Variants in WT1 observed in about 807,000 individuals in gnomAD.
The protein encoded by WT1 is WT1 transcription factor.
A neutral mutation model predicts 60.8 loss-of-function variants in WT1; 8 were observed. That is an observed-to-expected ratio of 0.13 (90% CI 0.08 to 0.24). The LOEUF (loss-of-function observed/expected upper bound fraction) is 0.24. Among genes scored for constraint, WT1 ranks in the 10% least tolerant of loss-of-function variants. The pLI is 1.00. For synonymous variants in WT1, 312 were observed against 297.1 expected, an observed-to-expected ratio of 1.05 and a Z score of -0.52; for missense variants, 568 against 711.8, an observed-to-expected ratio of 0.80 and a Z score of 2.30.
intron 5 of WT1, among the ~76,000 whole-genome samples, chr11:32,403,440 T>A (rs146095723): frequency 6.6e-6 from 1 of 152,210 alleles, no homozygotes; most frequent in Non-Finnish European, 1.5e-5. Flanking sequence ...TTCCAGCTTA[T>A]GCCCAACAGT....
At chr11:32,410,287 T>C (rs550557637) in intron 5 of WT1, among the ~76,000 whole-genome samples, 87 of 152,298 alleles carry the variant, frequency 5.7e-4, no homozygotes, top group African/African-American at 2.0e-3. Context: ...GATACTTCTA[T>C]CTAAAGATAA....
chr11:32,415,595 C>T (rs761536428), intron 5 of WT1, among the ~76,000 whole-genome samples: 24 of 152,136 alleles, frequency 1.6e-4, no homozygotes, highest in Non-Finnish European at 3.1e-4. Flanking sequence ...TTGCGGTGAG[C>T]GAGATGGCAC....
At chr11:32,391,891 T>C in intron 9 of WT1, 81 bp downstream of exon 9, 1 of 1,446,282 alleles carries the variant, frequency 6.9e-7, no homozygotes, top group Non-Finnish European at 9.7e-7. Flanking sequence ...ACTAGTCTTT[T>C]CCAATCCCTC....
chr11:32,398,724 T>A (rs1852049200), intron 6 of WT1, among the ~76,000 whole-genome samples: 1 of 151,880 alleles, frequency 6.6e-6, no homozygotes, highest in Non-Finnish European at 1.5e-5. Context: ...AGTACCCACC[T>A]CATAAGTGTG....
intron 5 of WT1, among the ~76,000 whole-genome samples, chr11:32,410,991 G>T (rs890283515): frequency 6.6e-6 from 1 of 151,240 alleles, no homozygotes; most frequent in Admixed American, 6.6e-5. Flanking sequence ...AAGAGATCAG[G>T]GATAGGAGAA....
Position 32,434,806 on chromosome 11 carries a change from G to C in WT1, c.555C>G (p.Phe185Leu). Residue 185 changes from phenylalanine to leucine, a missense_variant, in exon 1 of 10, where the codon TTC (phenylalanine) becomes TTG (leucine). Physicochemically the swap from Phe to Leu is conservative, Grantham distance 22. This residue lies in a region of WT1 where 523 missense variants were observed against 565.1 expected (regional missense o/e 0.93). Coordinates refer to ENST00000452863, the MANE Select transcript of WT1 (RefSeq NM_024426.6). ...ACGCCTGGCTGGGCGGAGGAGGACCGAAGGGCCCGTAGCGACAGGCTCCGG... is the reference window on the plus strand; with the variant it reads ...ACGCCTGGCTGGGCGGAGGAGGACCCAAGGGCCCGTAGCGACAGGCTCCGG... 1 of 1,612,520 alleles carries C rather than the reference G, an allele frequency of 6.2e-7. No homozygotes were observed. The highest frequency in any genetic ancestry group is 1.7e-5 in the Admixed American group (1 of 59,962).
At position 32,422,656 on chromosome 11, in the gene WT1, G is replaced by A. The variant is rs115946397; in HGVS notation, c.888-5002C>T. Among the ~76,000 whole-genome samples the A allele has an allele frequency of 3.5e-3, 526 of 152,322 alleles. 2 individuals are homozygous for A. Among genetic ancestry groups the A allele is most frequent in the African/African-American group, 0.012 (503 of 41,580 alleles). ...ATTTCCCAGAAACTCTATGGCTGCT[G>A]AGGAAGTTTCTCTCATATGAAAAAT... On this transcript the variant is annotated intron_variant, in intron 3 of 9. Coordinates refer to ENST00000452863, the MANE Select transcript of WT1 (RefSeq NM_024426.6).
chr11:32,430,771 AC>A, intron 1 of WT1: 1 of 1,325,968 alleles, frequency 7.5e-7, no homozygotes, highest in Non-Finnish European at 9.6e-7. Context: ...CCGGCCTCAA[AC>A]CCTCTCCTTC....
chr11:32,428,277 G>A (rs796459231), intron 2 of WT1, among the ~76,000 whole-genome samples: 1 of 152,360 alleles, frequency 6.6e-6, no homozygotes, highest in Non-Finnish European at 1.5e-5. Context: ...AGGCCCTCCG[G>A]ACATTCATAG....
chr11:32,432,774 C>CACCAGACCTGCCCTG (rs1337949102), intron 1 of WT1, among the ~76,000 whole-genome samples: 4 of 152,342 alleles, frequency 2.6e-5, no homozygotes, highest in African/African-American at 9.6e-5. Context: ...AGATCCCAGG[C>CACCAGACCTGCCCTG]ACCAGACCTG....
At chr11:32,412,431 C>A (rs1852530121) in intron 5 of WT1, among the ~76,000 whole-genome samples, 1 of 152,120 alleles carries the variant, frequency 6.6e-6, no homozygotes, top group Non-Finnish European at 1.5e-5. Flanking sequence ...CTCCCCCTAC[C>A]CGAGTCCCCA....
chr11:32,393,564 CA>C (rs5030283), intron 7 of WT1, among the ~76,000 whole-genome samples: 42,620 of 152,144 alleles, frequency 0.28, 6,779 homozygotes, highest in East Asian at 0.68. Flanking sequence ...CTTTCTGTTG[CA>C]AAGGCAGCCC....
At chr11:32,431,626 A>C (rs950128183) in intron 1 of WT1, among the ~76,000 whole-genome samples, 7 of 151,288 alleles carry the variant, frequency 4.6e-5, no homozygotes, top group Admixed American at 4.6e-4. Context: ...TATTTTCAGT[A>C]GAGACAGGGT....
intron 3 of WT1, among the ~76,000 whole-genome samples, chr11:32,420,110 A>G (rs977790042): frequency 2.0e-5 from 3 of 152,226 alleles, no homozygotes; most frequent in African/African-American, 7.2e-5. Context: ...TATGGTATAC[A>G]CTGGCCACAT....
chr11:32,423,811 G>T (rs144676564), intron 3 of WT1, among the ~76,000 whole-genome samples: 1 of 152,334 alleles, frequency 6.6e-6, no homozygotes, highest in East Asian at 1.9e-4. Context: ...AGTGCTTACA[G>T]TGGTACCTGG....
chr11:32,425,164 G>A (rs1852986357), intron 3 of WT1, among the ~76,000 whole-genome samples: 1 of 138,770 alleles, frequency 7.2e-6, no homozygotes, highest in Non-Finnish European at 1.5e-5. Flanking sequence ...GCGACAGAGT[G>A]AGACTGTCTC....
At chr11:32,407,888 G>C (rs1211268134) in intron 5 of WT1, among the ~76,000 whole-genome samples, 1 of 151,960 alleles carries the variant, frequency 6.6e-6, no homozygotes, top group East Asian at 1.9e-4. Context: ...AAGGAAAAAA[G>C]AAAATAAAAA....
intron 3 of WT1, among the ~76,000 whole-genome samples, chr11:32,418,434 A>G (rs1852749866): frequency 6.6e-6 from 1 of 152,134 alleles, no homozygotes; most frequent in Non-Finnish European, 1.5e-5. Flanking sequence ...CTAAATTACC[A>G]AGCTCCATCA....
At chr11:32,430,455 GGAGAGAGAGAGAGAGA>G (rs529663782) in intron 1 of WT1, 61 of 898,570 alleles carry the variant, frequency 6.8e-5, no homozygotes, top group Middle Eastern at 5.9e-4. Flanking sequence ...AGAGAGGGAG[GGAGAGAGAGAGAGAGA>G]GAGAGAGAGA....
Sources: allele counts gnomAD v4.1 joint callset (sites outside exome capture counted in the v4.1 genomes callset), GRCh38; gene constraint gnomAD v4.1.1; regional missense constraint gnomAD v4.1.1; transcripts MANE v1.5; gene names NCBI Gene and HGNC (gene_info 2026-07-23, HGNC 2026-07-21).